The following CRCP variants were observed in gnomAD, a reference collection of about 807,000 sequenced individuals.
CRCP encodes the protein DNA-directed RNA polymerase III subunit RPC9.
Under a neutral mutation model 18.5 loss-of-function variants are expected in CRCP, and 18 were observed. The ratio of observed to expected loss-of-function variants is 0.97; its 90% CI spans 0.67 to 1.44. The LOEUF (loss-of-function observed/expected upper bound fraction) is 1.44. Among genes scored for constraint, CRCP ranks in the 40% most tolerant of loss-of-function variants. The probability of loss-of-function intolerance (pLI) is 0.00; values close to 1 mark genes in which losing one functional copy is unlikely to be tolerated. For synonymous variants in CRCP, 53 were observed against 62.9 expected, an observed-to-expected ratio of 0.84 and a Z score of 0.75; for missense variants, 130 against 176.4, an observed-to-expected ratio of 0.74 and a Z score of 1.49.
chr7:66,140,597 G>A (rs142649743), intron 4 of CRCP, among the ~76,000 whole-genome samples: 2,208 of 152,068 alleles, frequency 0.015, 55 homozygotes, highest in East Asian at 0.08. Flanking sequence ...TCTCCATGTT[G>A]GCCAGGCTGG....
intron 3 of CRCP, among the ~76,000 whole-genome samples, chr7:66,133,231 T>A (rs1349005800): frequency 1.1e-4 from 17 of 151,952 alleles, no homozygotes; most frequent in Admixed American, 1.1e-3. Context: ...CTTGGCCGGG[T>A]GCGGTGTCTC....
intron 4 of CRCP, among the ~76,000 whole-genome samples, chr7:66,140,749 A>G (rs1369480889): frequency 6.6e-6 from 1 of 152,240 alleles, no homozygotes; most frequent in Admixed American, 6.5e-5. Flanking sequence ...GGCTTCCTCC[A>G]TCTTCTCCTG....
At chr7:66,142,346 T>C (rs971134508) in intron 4 of CRCP, among the ~76,000 whole-genome samples, 5 of 152,220 alleles carry the variant, frequency 3.3e-5, no homozygotes, top group African/African-American at 1.2e-4. Flanking sequence ...CTCCTTCGGC[T>C]GGAGCTGCTT....
intron 1 of CRCP, among the ~76,000 whole-genome samples, chr7:66,122,283 G>C (rs1014636289): frequency 1.3e-5 from 2 of 150,578 alleles, no homozygotes; most frequent in Non-Finnish European, 2.9e-5. Context: ...GCTGAGGCAG[G>C]AGAATGGCAT....
intron 1 of CRCP, among the ~76,000 whole-genome samples, chr7:66,122,978 G>A (rs1350164000): frequency 2.9e-5 from 4 of 140,128 alleles, no homozygotes; most frequent in Admixed American, 7.4e-5. Context: ...TTTTTGAGAT[G>A]GAGTCTCGCT....
intron 4 of CRCP, among the ~76,000 whole-genome samples, chr7:66,141,646 G>A (rs1274344574): frequency 6.6e-6 from 1 of 152,204 alleles, no homozygotes; most frequent in East Asian, 1.9e-4. Flanking sequence ...CCGAGGGCAG[G>A]CAGTTTTAAG....
At chr7:66,135,540 CT>C (rs1283800810) in intron 4 of CRCP, among the ~76,000 whole-genome samples, 1 of 151,922 alleles carries the variant, frequency 6.6e-6, no homozygotes, top group East Asian at 1.9e-4. Context: ...CAAAATTATA[CT>C]TTAAGTTCTA....
At chr7:66,133,440 G>A (rs1477505897) in intron 3 of CRCP, among the ~76,000 whole-genome samples, 6 of 151,726 alleles carry the variant, frequency 4.0e-5, no homozygotes, top group East Asian at 3.9e-4. Flanking sequence ...CCCAGGAGGC[G>A]GAGCTTGCAG....
chr7:66,140,757 C>T (rs543117130), intron 4 of CRCP, among the ~76,000 whole-genome samples: 2 of 152,162 alleles, frequency 1.3e-5, no homozygotes, highest in Non-Finnish European at 2.9e-5. Flanking sequence ...CCATCTTCTC[C>T]TGTAGCAGAA....
chr7:66,121,983 G>A (rs549690811), intron 1 of CRCP, among the ~76,000 whole-genome samples: 1 of 152,280 alleles, frequency 6.6e-6, no homozygotes, highest in Admixed American at 6.5e-5. Context: ...CAGAGTTTAG[G>A]TTTTCAGAGC....
intron 4 of CRCP, among the ~76,000 whole-genome samples, chr7:66,136,812 G>A (rs970780249): frequency 6.6e-6 from 1 of 151,244 alleles, no homozygotes; most frequent in Non-Finnish European, 1.5e-5. Context: ...GGGCACGGTG[G>A]CTCACACCTA....
At chr7:66,138,523 C>T (rs139410797) in intron 4 of CRCP, among the ~76,000 whole-genome samples, 2,319 of 150,580 alleles carry the variant, frequency 0.015, 63 homozygotes, top group East Asian at 0.096. Context: ...CGGTGGCTCA[C>T]GCCTGTAATC....
At chr7:66,130,640 A>G in intron 2 of CRCP, 104 bp from the exon 3 acceptor site, 1 of 539,018 alleles carries the variant, frequency 1.9e-6, no homozygotes, top group East Asian at 3.0e-5. Flanking sequence ...TGGGCGGGTG[A>G]AAGGAAGTAC....
At chr7:66,123,779 G>A (rs1787525060) in intron 1 of CRCP, among the ~76,000 whole-genome samples, 2 of 149,768 alleles carry the variant, frequency 1.3e-5, no homozygotes, top group Non-Finnish European at 3.0e-5. Flanking sequence ...GGGGCCGGGC[G>A]CAGTGGCTGA....
chr7:66,133,315 C>CT (rs1021008883), intron 3 of CRCP, among the ~76,000 whole-genome samples: 2 of 152,046 alleles, frequency 1.3e-5, no homozygotes, highest in Non-Finnish European at 1.5e-5. Context: ...ACCATCCTGG[C>CT]TAACACGGTG....
chr7:66,134,172 T>C, intron 3 of CRCP, 108 bp from the exon 4 acceptor site: 1 of 930,996 alleles, frequency 1.1e-6, no homozygotes, highest in Non-Finnish European at 1.7e-6. Context: ...TACAGGATTT[T>C]TACAAACAAA....
intron 1 of CRCP, among the ~76,000 whole-genome samples, chr7:66,122,046 C>A (rs1173876145): frequency 6.6e-6 from 1 of 152,144 alleles, no homozygotes; most frequent in African/African-American, 2.4e-5. Context: ...TTATTTTCGT[C>A]ATTGCCTGTG....
At chr7:66,130,691 T>A in intron 2 of CRCP, 53 bp from the exon 3 acceptor site, 1 of 1,053,980 alleles carries the variant, frequency 9.5e-7, no homozygotes, top group Non-Finnish European at 1.5e-6. Context: ...TGACCTTGGA[T>A]AGATATATTT....
At chr7:66,148,034 T>A (rs1788349535) in intron 5 of CRCP, among the ~76,000 whole-genome samples, 2 of 151,722 alleles carry the variant, frequency 1.3e-5, no homozygotes, top group Non-Finnish European at 1.5e-5. Context: ...TACTCCAGCC[T>A]GTGTGACTGA....
Sources: gnomAD v4.1 joint callset for allele counts (sites outside exome capture counted in the v4.1 genomes callset) on GRCh38, gnomAD v4.1.1 for gene constraint, MANE v1.5 for transcripts, NCBI Gene and HGNC (gene_info 2026-07-23, HGNC 2026-07-21) for gene names.